Variants in HEBP2 observed in about 807,000 individuals in gnomAD.
HEBP2 encodes heme-binding protein 2.
A neutral mutation model predicts 23.1 loss-of-function variants in HEBP2; 27 were observed. The observed-to-expected ratio is 1.17, with a 90% CI of 0.86 to 1.61. HEBP2 has a LOEUF of 1.61. Ranked by LOEUF, HEBP2 falls within the 40% of genes most tolerant of loss-of-function variation. The pLI is 0.00. For synonymous variants in HEBP2, 99 were observed against 95.1 expected (o/e 1.04, Z -0.24); for missense variants, 245 against 253.8 (o/e 0.97, Z 0.24).
intron 1 of HEBP2, among the ~76,000 whole-genome samples, 190 bp from the exon 2 acceptor site, chr6:138,404,955 C>T (rs1312493914): frequency 6.6e-6 from 1 of 152,028 alleles, no homozygotes; most frequent in African/African-American, 2.4e-5. Flanking sequence ...TCCCTAATCG[C>T]AAGGAGGGGA....
Position 138,412,986 on chromosome 6 carries a change from A to G in HEBP2, c.526A>G (p.Thr176Ala), listed in dbSNP as rs373716184. ...AGTTTTCGATGAGAAGGTTTACTAC[A>G]CTGCAGGCTACAACAGTCCTGTCAA... Reference protein sequence around the residue: ...GKVFDEKVYYTAGYNSPVKLL... With the variant: ...GKVFDEKVYYAAGYNSPVKLL... The change falls in exon 4 of 4, where the codon ACT becomes GCT. Residue 176 changes from threonine to alanine, a missense_variant. By Grantham distance (58) the Thr-to-Ala change is moderately conservative. Coordinates refer to ENST00000607197, the MANE Select transcript of HEBP2 (RefSeq NM_014320.3). 15 of 1,613,938 alleles carry G rather than the reference A, an allele frequency of 9.3e-6. No homozygotes were observed. The highest frequency in any genetic ancestry group is 2.2e-5 in the East Asian group (1 of 44,902).
rs1280723200 is a variant in HEBP2 at position 138,404,332 on chromosome 6, A to T, written c.-164A>T. 2.7e-6 allele frequency: 1 copy of T among 375,822 alleles called. No individual in the cohort carries two copies. Among genetic ancestry groups the T allele is most frequent in the Non-Finnish European group, 4.5e-6 (1 of 220,900 alleles). The allele number at this position is 375,822 out of a possible 1,614,324, so 23.3% of individuals were successfully genotyped here. A position where few individuals can be genotyped will look rare whatever the true frequency, so the allele number is the denominator to read the frequency against. On this transcript the variant is annotated 5_prime_UTR_variant, in exon 1 of 4. Coordinates refer to ENST00000607197, the MANE Select transcript of HEBP2 (RefSeq NM_014320.3). The stretch of plus-strand genomic sequence containing the variant: ...CGGCGCCCCCTCGCGGTCCAGAGGC[A>T]GACGCATCGGGTGGGCTCGGGTCTC...
At chr6:138,410,971 T>C (rs1774736194) in intron 3 of HEBP2, among the ~76,000 whole-genome samples, 1 of 152,188 alleles carries the variant, frequency 6.6e-6, no homozygotes, top group African/African-American at 2.4e-5. Flanking sequence ...TGGGTAGACA[T>C]TGTTATATAA....
At chr6:138,412,661 C>T (rs943916550) in intron 3 of HEBP2, among the ~76,000 whole-genome samples, 1 of 152,146 alleles carries the variant, frequency 6.6e-6, no homozygotes, top group East Asian at 1.9e-4. Context: ...ACCATGTTGG[C>T]CAGGCTGGTC....
chr6:138,404,294 C>A lies in HEBP2; in HGVS notation c.-202C>A. 1 of 338,864 alleles carries A rather than the reference C, an allele frequency of 3.0e-6. No individual in the cohort carries two copies. The highest frequency in any genetic ancestry group is 5.3e-6 in the Non-Finnish European group (1 of 188,964). The allele number at this position is 338,864 out of a possible 1,614,324, so 21.0% of individuals were successfully genotyped here. Reference sequence around the variant, plus strand: ...GAGCTGTCCGGGGTCGTGAGCCGGCCCCGCCTTGGTGGCGGCGCCCCCTCG... The same window carrying A: ...GAGCTGTCCGGGGTCGTGAGCCGGCACCGCCTTGGTGGCGGCGCCCCCTCG... On this transcript the variant is annotated 5_prime_UTR_variant, in exon 1 of 4. Transcript: ENST00000607197.
In HEBP2 at chr6:138,421,726, T is replaced by G. The variant is rs1037882471; in HGVS notation, c.*8648T>G. The stretch of plus-strand genomic sequence containing the variant: ...TCGATTCTTCTCTCCCTGTATTTCA[T>G]CCATGCCTGTAAGAAGTTCTCACGT... On this transcript the variant is annotated 3_prime_UTR_variant, in exon 4 of 4. Transcript: ENST00000607197. The G allele has an allele frequency of 1.3e-5, 2 of 152,180 alleles. No individual in the cohort carries two copies. Among genetic ancestry groups the G allele is most frequent in the East Asian group, 1.9e-4 (1 of 5,188 alleles). 9.4% of individuals were successfully genotyped at this position (152,180 alleles called of 1,614,324 possible).
rs762723724 is a variant in HEBP2 at position 138,406,034 on chromosome 6, G to C, written c.302G>C (p.Ser101Thr). ...GTGGAGCCTGGTTCAGGTCCTTTTA[G>C]TGAGTCTACCATTACCATTTCCCTG... ...SYVEPGSGPFSESTITISLYI... is the reference protein window; with the variant it reads ...SYVEPGSGPFTESTITISLYI... The change falls in exon 3 of 4, where the codon AGT becomes ACT. Residue 101 changes from serine to threonine, a missense_variant. Coordinates refer to ENST00000607197, the MANE Select transcript of HEBP2 (RefSeq NM_014320.3). 6.2e-7 allele frequency: 1 copy of C among 1,614,164 alleles called. No individual in the cohort carries two copies. The highest frequency in any genetic ancestry group is 1.1e-5 in the South Asian group (1 of 91,084).
intron 3 of HEBP2, among the ~76,000 whole-genome samples, chr6:138,410,802 C>A (rs1774733475): frequency 6.6e-6 from 1 of 152,134 alleles, no homozygotes; most frequent in Non-Finnish European, 1.5e-5. Context: ...GTTTCTTAAC[C>A]CATGGTTCAG....
chr6:138,421,228 A>C lies in HEBP2; in HGVS notation c.*8150A>C, dbSNP rs1219495404. 1.3e-5 allele frequency: 2 copies of C among 151,802 alleles called. No homozygotes were observed. The highest frequency in any genetic ancestry group is 6.6e-5 in the Admixed American group (1 of 15,254). 9.4% of individuals were successfully genotyped at this position (151,802 alleles called of 1,614,324 possible). On this transcript the variant is annotated 3_prime_UTR_variant, in exon 4 of 4. Transcript: ENST00000607197. ...CATTTGATGATGGAATCAGCATCGC[A>C]TGCAGGCTGAACCCCTACTACGGCA...
At chr6:138,412,811 T>C in intron 3 of HEBP2, 69 bp from the exon 4 acceptor site, 1 of 1,391,154 alleles carries the variant, frequency 7.2e-7, no homozygotes, top group African/African-American at 1.4e-5. Flanking sequence ...TAGCGCCCGC[T>C]TTTTGCTTCA....
rs1157296066 is a variant in HEBP2 at position 138,413,118 on chromosome 6, CTG to C, written c.*42_*43del. ...AGTTCTGCTGTCAGAGGCAAAACATCTGTTTATCATAGACATCAACATGACCT... is the reference window on the plus strand; with the variant it reads ...AGTTCTGCTGTCAGAGGCAAAACATCTTTATCATAGACATCAACATGACCT... On this transcript the variant is annotated 3_prime_UTR_variant, in exon 4 of 4. Coordinates refer to ENST00000607197, the MANE Select transcript of HEBP2 (RefSeq NM_014320.3). 1 of 1,497,254 alleles carries C rather than the reference CTG, an allele frequency of 6.7e-7. No homozygotes were observed. The highest frequency in any genetic ancestry group is 9.3e-7 in the Non-Finnish European group (1 of 1,076,116). 92.7% of individuals were successfully genotyped at this position (1,497,254 alleles called of 1,614,324 possible).
At position 138,407,655 on chromosome 6, in the gene HEBP2, C is replaced by T. The variant is rs577653193; in HGVS notation, c.419+1504C>T. Among the ~76,000 whole-genome samples the T allele has an allele frequency of 2.6e-5, 4 of 152,340 alleles. No homozygotes were observed. The South Asian group carries it at 8.3e-4, about 32-fold the overall frequency. On this transcript the variant is annotated intron_variant, in intron 3 of 3. Transcript: ENST00000607197. ...CTCCCATGGCTCTGTTAGCCATTTC[C>T]CTATTGGGGACTCACTGCAGTAGCT...
rs1449775856 is a variant in HEBP2 at position 138,413,538 on chromosome 6, A to G, written c.*460A>G. ...CAAATTGTCTTTTGTGGCTGCCACC[A>G]TTACATTCTCTGTTGTATGTATTAC... is the stretch of plus-strand genomic sequence containing the variant. On this transcript the variant is annotated 3_prime_UTR_variant, in exon 4 of 4. Transcript: ENST00000607197. The G allele has an allele frequency of 6.1e-6, 1 of 162,774 alleles. No individual in the cohort carries two copies. Among genetic ancestry groups the G allele is most frequent in the Admixed American group, 6.0e-5 (1 of 16,684 alleles). 10.1% of individuals were successfully genotyped at this position (162,774 alleles called of 1,614,324 possible). A position where few individuals can be genotyped will look rare whatever the true frequency, so the allele number is the denominator to read the frequency against.
Position 138,412,394 on chromosome 6 carries a change from T to C in HEBP2, c.420-486T>C, listed in dbSNP as rs1774762044. On this transcript the variant is annotated intron_variant, in intron 3 of 3. Coordinates refer to ENST00000607197, the MANE Select transcript of HEBP2 (RefSeq NM_014320.3). ...TTTCCTCAGTGCTTCTGAGGTCACATGGAGACTGGGAATCACAGGCAGGAG... is the reference window on the plus strand; with the variant it reads ...TTTCCTCAGTGCTTCTGAGGTCACACGGAGACTGGGAATCACAGGCAGGAG... 3 of 217,396 alleles carry C rather than the reference T, an allele frequency of 1.4e-5. No individual in the cohort carries two copies. In the South Asian group the frequency reaches 1.8e-4, roughly 13 times the overall value. 13.5% of individuals were successfully genotyped at this position (217,396 alleles called of 1,614,324 possible).
rs1774787783 is a variant in HEBP2, at chr6:138,413,430, A to G, written c.*352A>G. 1 of 181,582 alleles carries G rather than the reference A, an allele frequency of 5.5e-6. No individual in the cohort carries two copies. The highest frequency in any genetic ancestry group is 2.4e-5 in the African/African-American group (1 of 42,036). 11.2% of individuals were successfully genotyped at this position (181,582 alleles called of 1,614,324 possible). A position where few individuals can be genotyped will look rare whatever the true frequency, so the allele number is the denominator to read the frequency against. Reference sequence around the variant, plus strand: ...ATGATATCCCCTCCAGATAGTATCAATAAAATGTTAAAATTATTTATCTTG... The same window carrying G: ...ATGATATCCCCTCCAGATAGTATCAGTAAAATGTTAAAATTATTTATCTTG... On this transcript the variant is annotated 3_prime_UTR_variant, in exon 4 of 4. Coordinates refer to ENST00000607197, the MANE Select transcript of HEBP2 (RefSeq NM_014320.3).
rs891404993 is a variant in HEBP2 at position 138,404,279 on chromosome 6, G to A, written c.-217G>A. 1.1e-4 allele frequency: 35 copies of A among 328,912 alleles called. 1 individual carries two copies. Among genetic ancestry groups the A allele is most frequent in the African/African-American group, 5.0e-4 (23 of 46,298 alleles). 20.4% of individuals were successfully genotyped at this position (328,912 alleles called of 1,614,324 possible). On this transcript the variant is annotated 5_prime_UTR_variant, in exon 1 of 4. Coordinates refer to ENST00000607197, the MANE Select transcript of HEBP2 (RefSeq NM_014320.3). ...GCGCAACTCCGGCCGGAGCTGTCCG[G>A]GGTCGTGAGCCGGCCCCGCCTTGGT...
At position 138,418,941 on chromosome 6, in the gene HEBP2, G is replaced by A. The variant is rs1159865255; in HGVS notation, c.*5863G>A. On this transcript the variant is annotated 3_prime_UTR_variant, in exon 4 of 4. Transcript: ENST00000607197. Reference sequence around the variant, plus strand: ...CAGGAGTTTGGGAGGAAAAAAACATGGATTAGGAGGTCTGGGGTAGAGGCA... The same window carrying A: ...CAGGAGTTTGGGAGGAAAAAAACATAGATTAGGAGGTCTGGGGTAGAGGCA... 1.3e-5 allele frequency: 2 copies of A among 152,250 alleles called. No individual in the cohort carries two copies. Among genetic ancestry groups the A allele is most frequent in the Non-Finnish European group, 2.9e-5 (2 of 68,026 alleles). The allele number at this position is 152,250 out of a possible 1,614,324, so 9.4% of individuals were successfully genotyped here. A position where few individuals can be genotyped will look rare whatever the true frequency, so the allele number is the denominator to read the frequency against.
At chr6:138,412,270 A>C (rs1041582868) in intron 3 of HEBP2, 5 of 328,602 alleles carry the variant, frequency 1.5e-5, no homozygotes, top group Non-Finnish European at 3.0e-5. Flanking sequence ...ACCTGTATGC[A>C]CGTTAAAGGT....
intron 3 of HEBP2, among the ~76,000 whole-genome samples, chr6:138,411,314 T>C (rs1774741897): frequency 6.6e-6 from 1 of 152,202 alleles, no homozygotes; most frequent in Admixed American, 6.5e-5. Context: ...CACAGCAGCC[T>C]CCTGACTGGA....
Sources: gnomAD v4.1 joint callset for allele counts (sites outside exome capture counted in the v4.1 genomes callset) on GRCh38, gnomAD v4.1.1 for gene constraint, MANE v1.5 for transcripts, NCBI Gene and HGNC (gene_info 2026-07-23, HGNC 2026-07-21) for gene names.